Variants in CCDC120 observed in about 807,000 individuals in gnomAD.
The protein encoded by CCDC120 is coiled-coil domain containing 120.
Under a neutral mutation model 37.6 loss-of-function variants are expected in CCDC120, and 16 were observed. The ratio of observed to expected loss-of-function variants is 0.43; its 90% CI spans 0.29 to 0.65. CCDC120 has a LOEUF of 0.65. CCDC120 is among the 30% of genes least tolerant of loss of function. CCDC120 has a pLI of 0.18. For synonymous variants in CCDC120, 309 were observed against 275.4 expected (o/e 1.12, Z -1.21); for missense variants, 650 against 657.4 (o/e 0.99, Z 0.12).
chrX:49,057,654 T>G (rs2064840428), upstream of CCDC120, among the ~76,000 whole-genome samples: 1 of 112,217 alleles, frequency 8.9e-6, no homozygotes, highest in Non-Finnish European at 1.9e-5. Context: ...ATAGTATGAG[T>G]CTGGGGCATT....
Position 49,067,595 on chromosome X carries a change from G to A in CCDC120, c.1481G>A (p.Gly494Glu), listed in dbSNP as rs782774707. ...CGGGGCCTGCCCCGCAGTGGCGGTG[G>A]AACAGGCTGGGGGGAGCTGCCGCCT... ...LDRGLPRSGG[G>E]TGWGELPPAA... Residue 494 changes from glycine (G) to glutamate (E), a missense_variant, in exon 10 of 11, where the codon GGA becomes GAA. Coordinates refer to ENST00000603986, the MANE Select transcript of CCDC120 (RefSeq NM_001163321.4). 2 of 1,180,247 alleles carry A rather than the reference G, an allele frequency of 1.7e-6. No homozygotes were observed. Among genetic ancestry groups the A allele is most frequent in the African/African-American group, 3.5e-5 (2 of 56,812 alleles).
In CCDC120 at chrX:49,063,933, C is replaced by A. The variant is rs909813509; in HGVS notation, c.361C>A (p.Pro121Thr). The A allele has an allele frequency of 5.8e-6, 7 of 1,208,486 alleles. No individual in the cohort carries two copies. Among genetic ancestry groups the A allele is most frequent in the Non-Finnish European group, 7.8e-6 (7 of 893,951 alleles). The part of the protein sequence containing the change: ...GERPQLVRRR[P>T]PTARAYPPPH... ...ACGGCCCCAGTTGGTCCGCCGGCGG[C>A]CCCCCACAGCCCGCGCCTACCCTCC... Residue 121 changes from proline (P) to threonine (T), a missense_variant, in exon 5 of 11, where the codon CCC becomes ACC. Physicochemically the swap from Pro to Thr is conservative, Grantham distance 38. This residue lies in a region of CCDC120 where 576 missense variants were observed against 565.3 expected (regional missense o/e 1.02). Coordinates refer to ENST00000603986, the MANE Select transcript of CCDC120 (RefSeq NM_001163321.4).
chrX:49,057,067 G>A (rs1449825400), upstream of CCDC120, among the ~76,000 whole-genome samples: 8 of 111,602 alleles, frequency 7.2e-5, no homozygotes, highest in Non-Finnish European at 1.9e-5. Context: ...GCAGGGTCAC[G>A]TGAGGCCCAG....
In CCDC120 at chrX:49,064,011, TG is replaced by T; in HGVS notation, c.429+13del. Reference sequence around the variant, plus strand: ...CTTGTGCCCTGCTGAGGTGAGCAGATGGGTGTGGAGAGCAAGAGGGTGGGAA... The same window carrying T: ...CTTGTGCCCTGCTGAGGTGAGCAGATGGTGTGGAGAGCAAGAGGGTGGGAA... On this transcript the variant is annotated intron_variant, in intron 5 of 10. Coordinates refer to ENST00000603986, the MANE Select transcript of CCDC120 (RefSeq NM_001163321.4). 1 of 1,190,064 alleles carries T rather than the reference TG, an allele frequency of 8.4e-7. No homozygotes were observed. The highest frequency in any genetic ancestry group is 1.1e-6 in the Non-Finnish European group (1 of 883,285).
intron 1 of CCDC120, chrX:49,059,322 C>T (rs1402307905): frequency 3.2e-5 from 24 of 752,256 alleles, no homozygotes; most frequent in African/African-American, 4.6e-5. Flanking sequence ...GGCACCAAGC[C>T]GATTCCCGGC....
At chrX:49,061,533 A>G (rs1348713655) in intron 1 of CCDC120, among the ~76,000 whole-genome samples, 12 of 112,600 alleles carry the variant, frequency 1.1e-4, no homozygotes, top group African/African-American at 3.9e-4. Context: ...TTGTTGGACA[A>G]CCGTTTGTGA....
At position 49,068,730 on chromosome X, in the gene CCDC120, G is replaced by T; in HGVS notation, c.*72G>T. On this transcript the variant is annotated 3_prime_UTR_variant, in exon 11 of 11. Coordinates refer to ENST00000603986, the MANE Select transcript of CCDC120 (RefSeq NM_001163321.4). ...GGGAGCACACAGCTGACCTCGCTGG[G>T]CCCTGGGGTGTGGTTGCTCTCAGTC... 1 of 983,761 alleles carries T rather than the reference G, an allele frequency of 1.0e-6. No individual in the cohort carries two copies. Among genetic ancestry groups the T allele is most frequent in the Non-Finnish European group, 1.3e-6 (1 of 765,672 alleles). The allele number at this position is 983,761 out of a possible 1,213,427, so 81.1% of individuals were successfully genotyped here.
Position 49,062,579 on chromosome X carries a change from G to A in CCDC120, c.266G>A (p.Arg89His), listed in dbSNP as rs370700735. 4.1e-6 allele frequency: 5 copies of A among 1,208,209 alleles called. No individual in the cohort carries two copies. Among genetic ancestry groups the A allele is most frequent in the African/African-American group, 3.5e-5 (2 of 57,358 alleles). Residue 89 changes from arginine to histidine, a missense_variant, in exon 4 of 11, where the codon CGC becomes CAC. By Grantham distance (29) the Arg-to-His change is conservative. Coordinates refer to ENST00000603986, the MANE Select transcript of CCDC120 (RefSeq NM_001163321.4). ...CTGAGCCTGAAACTTCAGGAGCTCC[G>A]CAAAGTGTGTCTCCAGGAGGCGGTG... ...EALSLKLQELRKVCLQEAELT... is the reference protein window; with the variant it reads ...EALSLKLQELHKVCLQEAELT...
At chrX:49,063,426 C>G (rs1451821987) in intron 4 of CCDC120, among the ~76,000 whole-genome samples, 4 of 111,226 alleles carry the variant, frequency 3.6e-5, no homozygotes, top group Non-Finnish European at 7.5e-5. Flanking sequence ...AAAACAGGTT[C>G]TGTCCAAAAT....
At chrX:49,054,542 C>T (rs1331176860), upstream of CCDC120, among the ~76,000 whole-genome samples, 2 of 111,050 alleles carry the variant, frequency 1.8e-5, no homozygotes, top group Admixed American at 1.9e-4. Context: ...CATTCCTATC[C>T]TCATTGTGTC....
intron 9 of CCDC120, chrX:49,066,883 T>C (rs2064960894): frequency 6.8e-6 from 2 of 294,576 alleles, no homozygotes; most frequent in South Asian, 1.2e-4. Flanking sequence ...CTGCCCGGCA[T>C]CTACTCTGCT....
At chrX:49,055,638 T>G (rs781792225), upstream of CCDC120, among the ~76,000 whole-genome samples, 1 of 111,880 alleles carries the variant, frequency 8.9e-6, no homozygotes, top group African/African-American at 3.2e-5. Flanking sequence ...ATTGTCCGAA[T>G]CTCCTTGATT....
upstream of CCDC120, among the ~76,000 whole-genome samples, chrX:49,054,950 C>T (rs1164641516): frequency 9.0e-6 from 1 of 111,688 alleles, no homozygotes; most frequent in Non-Finnish European, 1.9e-5. Flanking sequence ...CCTTCTGAGC[C>T]GAGGACAGGG....
In CCDC120 at chrX:49,067,443, C is replaced by T. The variant is rs200874918; in HGVS notation, c.1329C>T (p.Ser443=). ...YERPQPTPAF[S]SRTAGPPDPP... is the part of the protein sequence containing the mutation. Reference sequence around the variant, plus strand: ...GCCCCCAACCAACCCCTGCCTTCTCCTCCCGCACAGCAGGCCCCCCAGACC... The same window carrying T: ...GCCCCCAACCAACCCCTGCCTTCTCTTCCCGCACAGCAGGCCCCCCAGACC... Residue 443 remains serine, a synonymous_variant, in exon 10 of 11, where the codon TCC becomes TCT. Transcript: ENST00000603986. 4.2e-5 allele frequency: 50 copies of T among 1,190,715 alleles called. No homozygotes were observed. In the South Asian group the frequency reaches 4.2e-4, roughly 10 times the overall value.
upstream of CCDC120, among the ~76,000 whole-genome samples, chrX:49,056,975 TTAAG>T (rs781996177): frequency 7.2e-5 from 8 of 111,575 alleles, no homozygotes; most frequent in South Asian, 3.0e-3. Context: ...CACAGAGAGG[TTAAG>T]TGACTTGTTC....
chrX:49,058,050 T>C (rs1007383588), upstream of CCDC120, among the ~76,000 whole-genome samples: 1 of 111,772 alleles, frequency 8.9e-6, no homozygotes, highest in Admixed American at 9.5e-5. Context: ...GTAGCCTCTG[T>C]CTGCCTCCCA....
upstream of CCDC120, among the ~76,000 whole-genome samples, chrX:49,055,182 C>G (rs1482569675): frequency 3.5e-5 from 4 of 112,693 alleles, no homozygotes; most frequent in African/African-American, 9.7e-5. Context: ...TCCTACGCCC[C>G]TGCCCTCTGC....
chrX:49,062,127 GC>G, intron 2 of CCDC120, 23 bp downstream of exon 2: 2 of 1,161,123 alleles, frequency 1.7e-6, no homozygotes, highest in Non-Finnish European at 2.3e-6. Context: ...GGCACGTGGG[GC>G]CCAGGTTACC....
intron 9 of CCDC120, 31 bp from the exon 10 acceptor site, chrX:49,067,145 C>G (rs1557081407): frequency 8.4e-7 from 1 of 1,183,745 alleles, no homozygotes; most frequent in South Asian, 1.8e-5. Flanking sequence ...TTTTCTGACC[C>G]TATTCCCATG....
Sources: gnomAD v4.1 joint callset for allele counts (sites outside exome capture counted in the v4.1 genomes callset) on GRCh38, gnomAD v4.1.1 for gene constraint, gnomAD v4.1.1 regional missense constraint, MANE v1.5 for transcripts, NCBI Gene and HGNC (gene_info 2026-07-23, HGNC 2026-07-21) for gene names.